ZCRB1: variants seen among roughly 807,000 people sequenced by gnomAD.
ZCRB1 encodes the protein zinc finger CCHC-type and RNA-binding motif-containing protein 1.
A neutral mutation model predicts 29.9 loss-of-function variants in ZCRB1; 21 were observed. The observed-to-expected ratio is 0.70, with a 90% confidence interval of 0.50 to 1.01. The LOEUF is 1.01. Among genes scored for constraint, ZCRB1 ranks in the 50% least tolerant of loss-of-function variants. The probability of loss-of-function intolerance (pLI) is 0.00; values close to 1 mark genes in which losing one functional copy is unlikely to be tolerated. For missense variants in ZCRB1, 204 were observed against 253.3 expected, an observed-to-expected ratio of 0.81 and a Z score of 1.32; for synonymous variants, 77 against 80.0, an observed-to-expected ratio of 0.96 and a Z score of 0.20.
At chr12:42,317,496 AAATT>A (rs2068600641) in intron 4 of ZCRB1, 49 bp from the exon 5 acceptor site, 1 of 1,401,854 alleles carries the variant, frequency 7.1e-7, no homozygotes, top group Non-Finnish European at 9.7e-7. Flanking sequence ...CTGAAACCTA[AAATT>A]AATTATTTAA....
At chr12:42,314,465 CCAG>C (rs2068585349) in intron 5 of ZCRB1, among the ~76,000 whole-genome samples, 1 of 146,926 alleles carries the variant, frequency 6.8e-6, no homozygotes, top group Admixed American at 6.9e-5. Context: ...ACCTGTAGTC[CCAG>C]CTACTCAGGA....
chr12:42,314,397 TAAAAAAAAAAAAAAAAAA>T (rs71084639), intron 5 of ZCRB1, among the ~76,000 whole-genome samples: 2 of 27,756 alleles, frequency 7.2e-5, no homozygotes, highest in African/African-American at 1.6e-4. Context: ...CCGTCTCTAC[TAAAAAAAAAAAAAAAAAA>T]AAAAAAAAAA....
intron 3 of ZCRB1, among the ~76,000 whole-genome samples, chr12:42,320,608 C>T (rs186531205): frequency 2.2e-4 from 34 of 152,052 alleles, no homozygotes; most frequent in African/African-American, 6.5e-4. Flanking sequence ...CCACCAGGGC[C>T]GGCTACTTTT....
At chr12:42,323,716 C>T (rs1206134054) in intron 2 of ZCRB1, 3 of 298,632 alleles carry the variant, frequency 1.0e-5, no homozygotes, top group South Asian at 6.4e-5. Context: ...ACTGTCGCCT[C>T]GACCTCCTAG....
chr12:42,316,986 T>G (rs987362529), intron 5 of ZCRB1, among the ~76,000 whole-genome samples: 4 of 152,232 alleles, frequency 2.6e-5, no homozygotes, highest in East Asian at 1.9e-4. Context: ...GTGGGAGGAC[T>G]GCTTGAGCCC....
intron 5 of ZCRB1, 24 bp downstream of exon 5, chr12:42,317,316 C>T (rs1488686148): frequency 1.3e-6 from 2 of 1,528,534 alleles, no homozygotes; most frequent in Non-Finnish European, 1.8e-6. Flanking sequence ...ATGGAAAGTT[C>T]CATTAAGTTT....
At chr12:42,319,234 T>C (rs1030286454) in intron 3 of ZCRB1, among the ~76,000 whole-genome samples, 18 of 152,182 alleles carry the variant, frequency 1.2e-4, no homozygotes, top group Non-Finnish European at 2.5e-4. Context: ...TTCTTGTCCA[T>C]AGGGGCATTA....
chr12:42,313,054 C>G lies in ZCRB1; in HGVS notation c.*13G>C. On this transcript the variant is annotated 3_prime_UTR_variant, in exon 8 of 8. Coordinates refer to ENST00000266529, the MANE Select transcript of ZCRB1 (RefSeq NM_033114.4). ...ACAAATCTTGATTTTTATTACTGTGCTGGGGCAAGATTTTAATCACTAAGT... is the reference window on the plus strand; with the variant it reads ...ACAAATCTTGATTTTTATTACTGTGGTGGGGCAAGATTTTAATCACTAAGT... 1 of 1,577,030 alleles carries G rather than the reference C, an allele frequency of 6.3e-7. No homozygotes were observed. Among genetic ancestry groups the G allele is most frequent in the Non-Finnish European group, 8.6e-7 (1 of 1,164,998 alleles).
At chr12:42,313,853 T>C (rs764633833) in intron 6 of ZCRB1, 21 bp downstream of exon 6, 3 of 1,607,308 alleles carry the variant, frequency 1.9e-6, no homozygotes, top group Admixed American at 3.5e-5. Context: ...ATGATGTATT[T>C]AGTAAGAATA....
chr12:42,325,322 A>G (rs1342640247), intron 1 of ZCRB1: 1 of 152,006 alleles, frequency 6.6e-6, no homozygotes, highest in Non-Finnish European at 1.5e-5. Context: ...TTTTAGTATG[A>G]TGTTAAGGAG....
chr12:42,314,195 C>T (rs2068583287), intron 5 of ZCRB1, among the ~76,000 whole-genome samples: 1 of 151,856 alleles, frequency 6.6e-6, no homozygotes, highest in South Asian at 2.1e-4. Context: ...ACATTTAGGA[C>T]TATTTAGTAG....
At chr12:42,323,835 G>A (rs779157681) in intron 2 of ZCRB1, 184 bp downstream of exon 2, 2 of 577,664 alleles carry the variant, frequency 3.5e-6, no homozygotes, top group African/African-American at 3.8e-5. Context: ...ATCACCTGAG[G>A]GGGCGGGGAG....
At chr12:42,321,312 A>T (rs1257379420) in intron 3 of ZCRB1, among the ~76,000 whole-genome samples, 2 of 152,318 alleles carry the variant, frequency 1.3e-5, no homozygotes, top group East Asian at 3.9e-4. Flanking sequence ...TGGGCTCTGA[A>T]ATCTCACTGT....
In ZCRB1 at chr12:42,312,950, G is replaced by T; in HGVS notation, c.*117C>A. On this transcript the variant is annotated 3_prime_UTR_variant, in exon 8 of 8. Transcript: ENST00000266529. ...AATTTTTAAAATATCTTTTTTCTTG[G>T]GATGACAATAATAGTATTAACATGA... is the stretch of plus-strand genomic sequence containing the variant. The T allele has an allele frequency of 9.7e-7, 1 of 1,030,126 alleles. No individual in the cohort carries two copies. The highest frequency in any genetic ancestry group is 1.3e-6 in the Non-Finnish European group (1 of 790,208). The allele number at this position is 1,030,126 out of a possible 1,614,324, so 63.8% of individuals were successfully genotyped here.
intron 3 of ZCRB1, among the ~76,000 whole-genome samples, chr12:42,319,742 T>C (rs181910396): frequency 6.8e-4 from 104 of 152,346 alleles, no homozygotes; most frequent in African/African-American, 2.5e-3. Flanking sequence ...TGTAAACTCC[T>C]TTAAGGCTGT....
At chr12:42,325,863 G>C (rs1159888570) in intron 1 of ZCRB1, 61 bp downstream of exon 1, 1 of 152,570 alleles carries the variant, frequency 6.6e-6, no homozygotes, top group Non-Finnish European at 1.5e-5. Context: ...GAGCGTTTTG[G>C]CAGCCGAGTC....
intron 7 of ZCRB1, 59 bp from the exon 8 acceptor site, chr12:42,313,257 T>C: frequency 6.5e-7 from 1 of 1,541,314 alleles, no homozygotes; most frequent in Non-Finnish European, 8.7e-7. Flanking sequence ...TATGGTTCAT[T>C]AATTCAAAAC....
intron 5 of ZCRB1, among the ~76,000 whole-genome samples, chr12:42,314,915 G>A (rs1159924350): frequency 3.3e-5 from 5 of 152,172 alleles, no homozygotes; most frequent in Non-Finnish European, 5.9e-5. Context: ...TTGTGCCACC[G>A]CACTCCAGCC....
intron 4 of ZCRB1, 30 bp from the exon 5 acceptor site, chr12:42,317,477 T>G (rs770201696): frequency 6.9e-7 from 1 of 1,445,578 alleles, no homozygotes; most frequent in Non-Finnish European, 9.5e-7. Context: ...AAATGTAGAA[T>G]GTATTTCACT....
Sources: gnomAD v4.1 joint callset for allele counts (sites outside exome capture counted in the v4.1 genomes callset) on GRCh38, gnomAD v4.1.1 for gene constraint, MANE v1.5 for transcripts, NCBI Gene and HGNC (gene_info 2026-07-23, HGNC 2026-07-21) for gene names.